LINC00305: variants seen among roughly 807,000 people sequenced by gnomAD.
LINC00305 encodes the protein long independently transcribed non-coding RNA 305.
chr18:64,117,952 C>T (rs1568112069), intron 1 of LINC00305, among the ~76,000 whole-genome samples: 1 of 152,302 alleles, frequency 6.6e-6, no homozygotes, highest in East Asian at 1.9e-4. Flanking sequence ...CTTCGTTTCC[C>T]TAAGCCTTCA....
intron 1 of LINC00305, chr18:64,098,689 A>G (rs1305307837): frequency 7.4e-6 from 3 of 406,208 alleles, no homozygotes; most frequent in Non-Finnish European, 1.5e-5. Flanking sequence ...GAATGCTGCA[A>G]AACACAATGA....
At chr18:64,090,810 A>C (rs892532630) in intron 3 of LINC00305, among the ~76,000 whole-genome samples, 3 of 152,362 alleles carry the variant, frequency 2.0e-5, no homozygotes, top group Admixed American at 1.3e-4. Context: ...CCAGTTTTAA[A>C]TGCAAATATT....
intron 1 of LINC00305, among the ~76,000 whole-genome samples, chr18:64,118,317 A>ATACAGTC (rs1403691358): frequency 6.6e-6 from 1 of 152,212 alleles, no homozygotes; most frequent in African/African-American, 2.4e-5. Context: ...GTAGATATAC[A>ATACAGTC]TACAGTCTAC....
intron 1 of LINC00305, chr18:64,147,087 C>T (rs919076182): frequency 2.6e-5 from 4 of 152,142 alleles, no homozygotes; most frequent in African/African-American, 7.2e-5. Flanking sequence ...AGAATCATAG[C>T]ATTTACTTGA....
At chr18:64,100,126 A>C (rs2051262334) in intron 1 of LINC00305, among the ~76,000 whole-genome samples, 1 of 152,258 alleles carries the variant, frequency 6.6e-6, no homozygotes, top group African/African-American at 2.4e-5. Flanking sequence ...AAGAAGTTTA[A>C]GTTTTCCATT....
chr18:64,135,800 T>G (rs1055531578), intron 1 of LINC00305, among the ~76,000 whole-genome samples: 27 of 152,042 alleles, frequency 1.8e-4, no homozygotes, highest in African/African-American at 6.5e-4. Flanking sequence ...GGCCATGTTG[T>G]TCTGGCACTC....
intron 3 of LINC00305, among the ~76,000 whole-genome samples, chr18:64,085,647 G>T (rs1019725679): frequency 1.3e-5 from 2 of 152,136 alleles, no homozygotes; most frequent in Non-Finnish European, 2.9e-5. Context: ...TTTTAGTAGA[G>T]ATGGGGTTTC....
intron 3 of LINC00305, among the ~76,000 whole-genome samples, chr18:64,081,958 C>G (rs2051186871): frequency 6.6e-6 from 1 of 152,094 alleles, no homozygotes; most frequent in Non-Finnish European, 1.5e-5. Flanking sequence ...GGAAAAGGGG[C>G]CTCTTTTAAT....
At chr18:64,135,316 G>C (rs2144271982) in intron 1 of LINC00305, among the ~76,000 whole-genome samples, 2 of 152,310 alleles carry the variant, frequency 1.3e-5, no homozygotes, top group African/African-American at 4.8e-5. Context: ...TAGGACTCCA[G>C]CATGTGGTTT....
chr18:64,139,341 C>T (rs1242038227), intron 1 of LINC00305: 2 of 152,170 alleles, frequency 1.3e-5, no homozygotes, highest in Non-Finnish European at 2.9e-5. Flanking sequence ...CAAATGAAGT[C>T]ATGCCTGTAA....
At chr18:64,087,943 A>AC (rs1489098212) in intron 3 of LINC00305, among the ~76,000 whole-genome samples, 2 of 151,876 alleles carry the variant, frequency 1.3e-5, no homozygotes, top group African/African-American at 4.8e-5. Flanking sequence ...TACAAAAAAA[A>AC]ACAAAACAAA....
At chr18:64,106,381 C>A (rs2051290808) in intron 1 of LINC00305, among the ~76,000 whole-genome samples, 2 of 152,170 alleles carry the variant, frequency 1.3e-5, no homozygotes, top group Admixed American at 6.5e-5. Context: ...TTACTCCACA[C>A]CTGCTCCTGG....
intron 1 of LINC00305, among the ~76,000 whole-genome samples, chr18:64,113,127 C>T (rs1026187513): frequency 3.8e-4 from 58 of 152,138 alleles, no homozygotes; most frequent in African/African-American, 1.2e-3. Context: ...CGTTCTTGCA[C>T]GGTATTCTAG....
At chr18:64,148,180 C>G (rs1012584921) in intron 1 of LINC00305, among the ~76,000 whole-genome samples, 1 of 152,072 alleles carries the variant, frequency 6.6e-6, no homozygotes, top group Admixed American at 6.6e-5. Flanking sequence ...ATTGCAGTCT[C>G]TCTTCTGAGA....
intron 1 of LINC00305, among the ~76,000 whole-genome samples, chr18:64,148,578 G>T (rs965639391): frequency 6.6e-6 from 1 of 152,080 alleles, no homozygotes; most frequent in African/African-American, 2.4e-5. Flanking sequence ...AAAGCAAGAT[G>T]GGGGGTTATC....
intron 3 of LINC00305, among the ~76,000 whole-genome samples, chr18:64,085,753 G>A (rs973200588): frequency 5.9e-5 from 9 of 152,164 alleles, no homozygotes; most frequent in African/African-American, 1.9e-4. Context: ...GAGCCACCAC[G>A]CCCAGTTTTA....
chr18:64,092,465 G>C (rs1374679003), intron 3 of LINC00305, among the ~76,000 whole-genome samples: 1 of 152,276 alleles, frequency 6.6e-6, no homozygotes, highest in African/African-American at 2.4e-5. Context: ...AGGAGGCTGA[G>C]GCCGGAGAAT....
chr18:64,133,265 T>C (rs996483954), intron 1 of LINC00305, among the ~76,000 whole-genome samples: 7 of 152,200 alleles, frequency 4.6e-5, no homozygotes, highest in African/African-American at 1.7e-4. Context: ...ACATATAGTT[T>C]GGGGAGGAAT....
chr18:64,093,050 C>T (rs961971236), intron 3 of LINC00305, among the ~76,000 whole-genome samples: 3 of 152,136 alleles, frequency 2.0e-5, no homozygotes, highest in Admixed American at 6.5e-5. Flanking sequence ...CCAATGCTTT[C>T]GGAAAATATA....
Sources: gnomAD v4.1 joint callset for allele counts (sites outside exome capture counted in the v4.1 genomes callset) on GRCh38, gnomAD v4.1.1 for gene constraint, MANE v1.5 for transcripts, NCBI Gene and HGNC (gene_info 2026-07-23, HGNC 2026-07-21) for gene names.